Variants in ELMO1 observed in about 807,000 individuals in gnomAD.
ELMO1 encodes the protein engulfment and cell motility 1.
Under a neutral mutation model 98.9 loss-of-function variants are expected in ELMO1, and 26 were observed. That is an observed-to-expected ratio of 0.26 (90% CI 0.19 to 0.36). The LOEUF (loss-of-function observed/expected upper bound fraction) is 0.36, where lower values mean the gene tolerates loss of function less well. Ranked by LOEUF, ELMO1 falls within the 10% of genes least tolerant of loss-of-function variation. The probability of loss-of-function intolerance (pLI) is 1.00; values close to 1 mark genes in which losing one functional copy is unlikely to be tolerated. For synonymous variants in ELMO1, 346 were observed against 346.0 expected, an observed-to-expected ratio of 1.00 and a Z score of 0.00; for missense variants, 627 against 935.2, an observed-to-expected ratio of 0.67 and a Z score of 4.30.
At chr7:37,217,770 C>T (rs1321334827) in intron 10 of ELMO1, 5 of 457,020 alleles carry the variant, frequency 1.1e-5, no homozygotes, top group East Asian at 1.4e-4. Context: ...ACGGCGTCAT[C>T]GCCACCACAG....
intron 16 of ELMO1, among the ~76,000 whole-genome samples, chr7:36,954,902 G>A (rs1788314028): frequency 1.3e-5 from 2 of 152,142 alleles, no homozygotes; most frequent in Non-Finnish European, 2.9e-5. Context: ...TTTTACAAGC[G>A]TACCAGGTGA....
intron 13 of ELMO1, among the ~76,000 whole-genome samples, chr7:37,180,533 C>A (rs1205040510): frequency 1.3e-5 from 2 of 152,062 alleles, no homozygotes; most frequent in Non-Finnish European, 2.9e-5. Flanking sequence ...CAGCTAAATC[C>A]GCACAGGATG....
intron 16 of ELMO1, among the ~76,000 whole-genome samples, chr7:36,969,733 T>C (rs1789755593): frequency 6.6e-6 from 1 of 152,164 alleles, no homozygotes; most frequent in Non-Finnish European, 1.5e-5. Context: ...GGCTGGGTCT[T>C]AATTTTTAAA....
intron 15 of ELMO1, among the ~76,000 whole-genome samples, chr7:37,020,892 C>T (rs1258439449): frequency 1.3e-5 from 2 of 152,132 alleles, no homozygotes; most frequent in Non-Finnish European, 2.9e-5. Flanking sequence ...CACAGAAAAC[C>T]TGTTAGAGCA....
chr7:37,328,017 T>G (rs1799907900), intron 2 of ELMO1, among the ~76,000 whole-genome samples: 1 of 152,196 alleles, frequency 6.6e-6, no homozygotes, highest in Non-Finnish European at 1.5e-5. Context: ...GTGACTACCA[T>G]ATACTCCCTA....
At chr7:37,279,338 G>A (rs1472285798) in intron 4 of ELMO1, among the ~76,000 whole-genome samples, 2 of 152,198 alleles carry the variant, frequency 1.3e-5, no homozygotes, top group Middle Eastern at 3.2e-3. Flanking sequence ...TGGCGGACGG[G>A]AGGCAGGACT....
At chr7:37,248,272 A>G (rs1367016919) in intron 6 of ELMO1, among the ~76,000 whole-genome samples, 1 of 152,024 alleles carries the variant, frequency 6.6e-6, no homozygotes, top group African/African-American at 2.4e-5. Flanking sequence ...TTACTCTGGA[A>G]AGGTTGATGT....
intron 13 of ELMO1, among the ~76,000 whole-genome samples, chr7:37,187,399 A>G (rs1584780875): frequency 6.6e-6 from 1 of 152,184 alleles, no homozygotes; most frequent in Non-Finnish European, 1.5e-5. Context: ...CCCTGTAAAC[A>G]TACTAAAAGC....
intron 18 of ELMO1, among the ~76,000 whole-genome samples, chr7:36,879,466 A>G (rs769937699): frequency 6.6e-6 from 1 of 152,248 alleles, no homozygotes; most frequent in Non-Finnish European, 1.5e-5. Context: ...AAAGCTCTTC[A>G]TTATATTTTA....
At chr7:37,156,485 G>A (rs1286384651) in intron 13 of ELMO1, among the ~76,000 whole-genome samples, 1 of 151,902 alleles carries the variant, frequency 6.6e-6, no homozygotes, top group East Asian at 1.9e-4. Flanking sequence ...AATGATAAAG[G>A]GATATCACCA....
chr7:37,244,979 T>A (rs1484884444), intron 6 of ELMO1, among the ~76,000 whole-genome samples: 1 of 152,184 alleles, frequency 6.6e-6, no homozygotes, highest in African/African-American at 2.4e-5. Context: ...TATGCTTTTT[T>A]AAAAAAACTA....
At chr7:37,368,924 TTCTC>T (rs1802004779) in intron 1 of ELMO1, among the ~76,000 whole-genome samples, 1 of 152,208 alleles carries the variant, frequency 6.6e-6, no homozygotes, top group Non-Finnish European at 1.5e-5. Context: ...TTGTATGCCT[TTCTC>T]TCCTTTTCAT....
At chr7:37,227,877 T>A (rs1793953538) in intron 8 of ELMO1, among the ~76,000 whole-genome samples, 1 of 152,250 alleles carries the variant, frequency 6.6e-6, no homozygotes, top group African/African-American at 2.4e-5. Flanking sequence ...ATTTTTCTCC[T>A]AAGAAATGAA....
intron 10 of ELMO1, among the ~76,000 whole-genome samples, 200 bp downstream of exon 10, chr7:37,222,415 A>G (rs528139117): frequency 6.6e-6 from 1 of 152,224 alleles, no homozygotes; most frequent in South Asian, 2.1e-4. Context: ...GGGCTTATCC[A>G]TCTCTACCCA....
At chr7:37,319,986 T>C (rs1210506890) in intron 2 of ELMO1, among the ~76,000 whole-genome samples, 1 of 152,176 alleles carries the variant, frequency 6.6e-6, no homozygotes, top group Admixed American at 6.5e-5. Context: ...CTGAGCATGG[T>C]GGCTCACGCC....
intron 1 of ELMO1, among the ~76,000 whole-genome samples, chr7:37,395,367 C>CAAAAAA (rs59452486): frequency 6.0e-5 from 4 of 66,172 alleles, no homozygotes; most frequent in South Asian, 6.6e-4. Flanking sequence ...AACTCCATCT[C>CAAAAAA]AAAAAAAAAA....
At chr7:37,272,297 T>C (rs1430549721) in intron 4 of ELMO1, among the ~76,000 whole-genome samples, 1 of 152,192 alleles carries the variant, frequency 6.6e-6, no homozygotes, top group East Asian at 1.9e-4. Flanking sequence ...GTAGAAACAA[T>C]ACATATGTCC....
At chr7:37,091,874 T>C (rs1784111662) in intron 15 of ELMO1, among the ~76,000 whole-genome samples, 1 of 151,962 alleles carries the variant, frequency 6.6e-6, no homozygotes. Context: ...AACCATCAGA[T>C]CTCGTGAGAC....
At chr7:36,986,811 C>A (rs534273998) in intron 16 of ELMO1, among the ~76,000 whole-genome samples, 1 of 152,260 alleles carries the variant, frequency 6.6e-6, no homozygotes, top group Admixed American at 6.5e-5. Context: ...CTCAGGAATG[C>A]AAGCATTCCA....
Sources: gnomAD v4.1 joint callset for allele counts (sites outside exome capture counted in the v4.1 genomes callset) on GRCh38, gnomAD v4.1.1 for gene constraint, MANE v1.5 for transcripts, NCBI Gene and HGNC (gene_info 2026-07-23, HGNC 2026-07-21) for gene names.